The following CCDC18 variants were observed in gnomAD, a reference collection of about 807,000 sequenced individuals.
The protein encoded by CCDC18 is coiled-coil domain containing 18.
A neutral mutation model predicts 196.0 loss-of-function variants in CCDC18; 157 were observed. The ratio of observed to expected loss-of-function variants is 0.80; its 90% CI spans 0.70 to 0.91. The LOEUF (loss-of-function observed/expected upper bound fraction) is 0.91. Ranked by LOEUF, CCDC18 falls within the 40% of genes least tolerant of loss-of-function variation. The pLI, the probability that CCDC18 is intolerant of heterozygous loss-of-function variation, is 0.00. For synonymous variants in CCDC18, 482 were observed against 529.2 expected, an observed-to-expected ratio of 0.91 and a Z score of 1.22; for missense variants, 1,465 against 1,611.6, an observed-to-expected ratio of 0.91 and a Z score of 1.56.
chr1:93,183,285 C>A, intron 1 of CCDC18, 75 bp from the exon 2 acceptor site: 2 of 1,044,764 alleles, frequency 1.9e-6, no homozygotes, highest in African/African-American at 1.6e-5. Flanking sequence ...GAGTTAAATT[C>A]TATTCATGTG....
chr1:93,211,561 A>G (rs1270741812), intron 10 of CCDC18, among the ~76,000 whole-genome samples: 1 of 152,124 alleles, frequency 6.6e-6, no homozygotes, highest in Non-Finnish European at 1.5e-5. Context: ...TCATTTTTGT[A>G]TGTTTACACA....
chr1:93,260,780 C>T (rs972482184), intron 26 of CCDC18, among the ~76,000 whole-genome samples: 6 of 152,074 alleles, frequency 3.9e-5, no homozygotes, highest in African/African-American at 1.4e-4. Context: ...TCCCCCACCA[C>T]CCAACAGGCC....
intron 28 of CCDC18, chr1:93,271,658 C>A (rs186975907): frequency 3.2e-4 from 167 of 517,232 alleles, no homozygotes; most frequent in Non-Finnish European, 1.1e-4. Context: ...AACATGGAGA[C>A]CCCATCTCAA....
At chr1:93,216,457 T>C (rs924033794) in intron 12 of CCDC18, among the ~76,000 whole-genome samples, 179 bp from the exon 13 acceptor site, 1 of 152,216 alleles carries the variant, frequency 6.6e-6, no homozygotes, top group Non-Finnish European at 1.5e-5. Flanking sequence ...AAAATACTTA[T>C]AATTATGTGG....
intron 26 of CCDC18, among the ~76,000 whole-genome samples, chr1:93,261,462 AG>A (rs1379752057): frequency 6.6e-6 from 1 of 152,198 alleles, no homozygotes; most frequent in Non-Finnish European, 1.5e-5. Flanking sequence ...GGAATGCTAT[AG>A]TAATTACATG....
intron 5 of CCDC18, 33 bp from the exon 6 acceptor site, chr1:93,193,583 G>T: frequency 6.8e-7 from 1 of 1,461,926 alleles, no homozygotes; most frequent in Non-Finnish European, 9.3e-7. Context: ...AATCTCTTTA[G>T]TAGTCTTAAA....
chr1:93,271,187 T>C, intron 28 of CCDC18: 1 of 985,420 alleles, frequency 1.0e-6, no homozygotes, highest in Non-Finnish European at 1.2e-6. Context: ...AACTTCGTCA[T>C]AATTTACTGT....
intron 23 of CCDC18, among the ~76,000 whole-genome samples, chr1:93,247,531 C>T (rs1343837944): frequency 1.3e-5 from 2 of 151,966 alleles, no homozygotes; most frequent in South Asian, 2.1e-4. Context: ...CCCTCCACCT[C>T]AAGTCTCTGA....
At chr1:93,180,567 T>C, upstream of CCDC18, 1 of 1,433,798 alleles carries the variant, frequency 7.0e-7, no homozygotes, top group Non-Finnish European at 9.3e-7. Context: ...TGGCGGTAAT[T>C]GTGGGAAATG....
At chr1:93,190,381 G>A (rs1165593587) in intron 4 of CCDC18, among the ~76,000 whole-genome samples, 3 of 152,140 alleles carry the variant, frequency 2.0e-5, no homozygotes, top group Non-Finnish European at 2.9e-5. Context: ...CCAACTACTC[G>A]GGAGGCTGAG....
rs188572904 is a variant in CCDC18, at chr1:93,219,200, C to T, written c.1962+1331C>T. Among the ~76,000 whole-genome samples the T allele has an allele frequency of 6.8e-4, 103 of 152,312 alleles. 1 individual carries two copies. Among genetic ancestry groups the T allele is most frequent in the Non-Finnish European group, 2.2e-4 (15 of 68,038 alleles). On this transcript the variant is annotated intron_variant, in intron 14 of 28. Coordinates refer to ENST00000690025, the MANE Select transcript of CCDC18 (RefSeq NM_001378204.1). ...CTTTTCTATTTTAACTAAGCACTTA[C>T]GCATTGTGGTTGTAACTTTTGTAGT... is the stretch of plus-strand genomic sequence containing the variant.
intron 9 of CCDC18, among the ~76,000 whole-genome samples, chr1:93,207,882 G>A (rs1371783487): frequency 2.6e-5 from 4 of 152,148 alleles, no homozygotes; most frequent in South Asian, 2.1e-4. Context: ...AAATGAACTC[G>A]TATAATATGT....
In CCDC18 at chr1:93,180,888, C is replaced by G. The variant is rs751364370; in HGVS notation, c.-3+36C>G. On this transcript the variant is annotated intron_variant, in intron 1 of 28. Coordinates refer to ENST00000690025, the MANE Select transcript of CCDC18 (RefSeq NM_001378204.1). The stretch of plus-strand genomic sequence containing the variant: ...CCCCAGCGACGATTTGGGTGGTGAG[C>G]GACTGCGCCTTGGCGTGGGGAAACC... 5 of 1,364,416 alleles carry G rather than the reference C, an allele frequency of 3.7e-6. No homozygotes were observed. In the Admixed American group the frequency reaches 9.5e-5, roughly 26 times the overall value. The allele number at this position is 1,364,416 out of a possible 1,614,324, so 84.5% of individuals were successfully genotyped here.
At chr1:93,183,147 T>A (rs1239203581) in intron 1 of CCDC18, among the ~76,000 whole-genome samples, 1 of 152,104 alleles carries the variant, frequency 6.6e-6, no homozygotes, top group Non-Finnish European at 1.5e-5. Context: ...AAATGAAAAA[T>A]TCATTCATTG....
chr1:93,211,071 TC>T, intron 10 of CCDC18, 145 bp downstream of exon 10: 1 of 731,606 alleles, frequency 1.4e-6, no homozygotes, highest in Non-Finnish European at 2.2e-6. Flanking sequence ...GGTCAGGAGT[TC>T]GAGACCAGCC....
chr1:93,182,702 C>G (rs1043826707), intron 1 of CCDC18, among the ~76,000 whole-genome samples: 1 of 152,122 alleles, frequency 6.6e-6, no homozygotes, highest in Non-Finnish European at 1.5e-5. Flanking sequence ...TATGAGTTGA[C>G]CTGCCAAATG....
In CCDC18 at chr1:93,227,971, A is replaced by AATATATATAT. The variant is rs1553175509; in HGVS notation, c.2292+1531_2292+1540dup. Reference sequence around the variant, plus strand: ...AGACCCTATCTCAAAAAAAAAAAAAAATATATATATATATATATTTATTTA... The same window carrying AATATATATAT: ...AGACCCTATCTCAAAAAAAAAAAAAAATATATATATATATATATATATATATATTTATTTA... On this transcript the variant is annotated intron_variant, in intron 17 of 28. Transcript: ENST00000690025. Among the ~76,000 whole-genome samples, 50 of 125,316 alleles carry AATATATATAT rather than the reference A, an allele frequency of 4.0e-4. 1 individual carries two copies. The highest frequency in any genetic ancestry group is 7.3e-4 in the South Asian group (3 of 4,098). 82.2% of individuals were successfully genotyped at this position (125,316 alleles called of 152,430 possible).
chr1:93,226,521 C>T, intron 17 of CCDC18, 72 bp downstream of exon 17: 1 of 504,294 alleles, frequency 2.0e-6, no homozygotes, highest in Non-Finnish European at 3.4e-6. Context: ...AGATGTAGGA[C>T]AAAATATATA....
Position 93,239,754 on chromosome 1 carries a change from C to T in CCDC18, c.2839C>T (p.Leu947Phe). Residue 947 changes from leucine (L) to phenylalanine (F), a missense_variant, in exon 21 of 29, where the codon CTT (leucine) becomes TTT (phenylalanine). Transcript: ENST00000690025. ...LTEALQKREVLETELQNAHGE... is the reference protein window; with the variant it reads ...LTEALQKREVFETELQNAHGE... ...AGAAGCCTTGCAAAAACGGGAAGTA[C>T]TTGAGACTGAACTACAAAATGCTCA... 1 of 1,613,688 alleles carries T rather than the reference C, an allele frequency of 6.2e-7. No individual in the cohort carries two copies.
Sources: allele counts gnomAD v4.1 joint callset (sites outside exome capture counted in the v4.1 genomes callset), GRCh38; gene constraint gnomAD v4.1.1; transcripts MANE v1.5; gene names NCBI Gene and HGNC (gene_info 2026-07-23, HGNC 2026-07-21).